SERPINE3: variants seen among roughly 807,000 people sequenced by gnomAD.
SERPINE3 encodes serpin E3.
SERPINE3 carries 43 observed loss-of-function variants against 41.7 expected under a neutral mutation model. The ratio of observed to expected loss-of-function variants is 1.03; its 90% CI spans 0.81 to 1.33. SERPINE3 has a LOEUF of 1.33. Among genes scored for constraint, SERPINE3 ranks in the 40% most tolerant of loss-of-function variants. The pLI, the probability that SERPINE3 is intolerant of heterozygous loss-of-function variation, is 0.00. For synonymous variants in SERPINE3, 200 were observed against 192.2 expected (o/e 1.04, Z -0.34); for missense variants, 440 against 491.7 (o/e 0.89, Z 0.99).
At chr13:51,345,487 G>A (rs922845212) in intron 4 of SERPINE3, among the ~76,000 whole-genome samples, 8 of 151,330 alleles carry the variant, frequency 5.3e-5, no homozygotes, top group African/African-American at 1.5e-4. Flanking sequence ...CCAGCTACTC[G>A]GGGAGGCTGA....
In SERPINE3 at chr13:51,344,418, A is replaced by G; in HGVS notation, c.423A>G (p.Pro141=). The G allele has an allele frequency of 2.5e-6, 4 of 1,610,174 alleles. No individual in the cohort carries two copies. The highest frequency in any genetic ancestry group is 3.4e-6 in the Non-Finnish European group (4 of 1,178,082). The change falls in exon 4 of 10, where the codon CCA becomes CCG. Residue 141 remains proline (P), a synonymous_variant. Coordinates refer to ENST00000681248, the MANE Select transcript of SERPINE3 (RefSeq NM_001386375.1). ...GGTGGGCTAACAGCAGCCTGGAACC[A>G]GCCGACCTCAGTGAGCCCAATAGCA... ...VSWWANSSLE[P]ADLSEPNSTA... is the part of the protein sequence containing the mutation.
chr13:51,354,913 G>A, intron 6 of SERPINE3, 130 bp from the exon 7 acceptor site: 1 of 624,740 alleles, frequency 1.6e-6, no homozygotes, highest in Non-Finnish European at 2.9e-6. Flanking sequence ...CGCCATGGAA[G>A]ATGAAGCTGG....
intron 7 of SERPINE3, among the ~76,000 whole-genome samples, chr13:51,357,675 A>C (rs1005192806): frequency 2.0e-5 from 3 of 151,940 alleles, no homozygotes; most frequent in South Asian, 2.1e-4. Context: ...GTTCCCCCCC[A>C]GTCTCCTTGA....
At chr13:51,340,948 T>C in intron 2 of SERPINE3, 87 bp downstream of exon 2, 4 of 852,806 alleles carry the variant, frequency 4.7e-6, no homozygotes, top group Non-Finnish European at 7.2e-6. Flanking sequence ...GACAGCTCAA[T>C]GCATCTCTCC....
At chr13:51,345,374 C>T (rs930770148) in intron 4 of SERPINE3, among the ~76,000 whole-genome samples, 8 of 152,006 alleles carry the variant, frequency 5.3e-5, no homozygotes, top group African/African-American at 1.9e-4. Context: ...GCGGGCAGAT[C>T]ACGAGGTCAG....
In SERPINE3 at chr13:51,361,804, C is replaced by T. The variant is rs775325667; in HGVS notation, c.1088-6C>T. ...ATGCAATGGAATTTTTCTTTCTTTCCTGCAGCTCTGTTGTTATTGAAAAGG... is the reference window on the plus strand; with the variant it reads ...ATGCAATGGAATTTTTCTTTCTTTCTTGCAGCTCTGTTGTTATTGAAAAGG... On this transcript the variant is annotated splice_polypyrimidine_tract_variant and splice_region_variant and intron_variant, in intron 8 of 9. Transcript: ENST00000681248. 1.1e-5 allele frequency: 18 copies of T among 1,581,112 alleles called. No individual in the cohort carries two copies. The highest frequency in any genetic ancestry group is 1.5e-5 in the Non-Finnish European group (18 of 1,169,286).
chr13:51,349,566 C>T (rs1018626125), intron 6 of SERPINE3, among the ~76,000 whole-genome samples: 13 of 152,256 alleles, frequency 8.5e-5, no homozygotes, highest in Admixed American at 7.8e-4. Context: ...GAGGCTGGTG[C>T]GAGAATTCGC....
At chr13:51,342,003 C>T (rs1378542271) in intron 3 of SERPINE3, among the ~76,000 whole-genome samples, 1 of 152,042 alleles carries the variant, frequency 6.6e-6, no homozygotes, top group African/African-American at 2.4e-5. Context: ...GCGGCTTTGC[C>T]GGCAGCAGCA....
chr13:51,355,965 C>T (rs1432996404), intron 7 of SERPINE3, among the ~76,000 whole-genome samples: 1 of 152,136 alleles, frequency 6.6e-6, no homozygotes, highest in African/African-American at 2.4e-5. Context: ...AATTCTAGAA[C>T]ATCATAATGT....
Position 51,344,353 on chromosome 13 carries a change from GGAA to G in SERPINE3, c.359_361del (p.Gly120_Thr121delinsAla). The G allele has an allele frequency of 6.2e-7, 1 of 1,613,808 alleles. No individual in the cohort carries two copies. Among genetic ancestry groups the G allele is most frequent in the Non-Finnish European group, 8.5e-7 (1 of 1,179,836 alleles). Reference sequence around the variant, plus strand: ...GGCCTGCAGCCTTTTTGTGCAAGTGGGAACGCCACTGTCCCCCTGCTTTGTGGA... The same window carrying G: ...GGCCTGCAGCCTTTTTGTGCAAGTGGCGCCACTGTCCCCCTGCTTTGTGGA... On this transcript the variant is annotated inframe_deletion, in exon 4 of 10. Transcript: ENST00000681248.
Position 51,340,853 on chromosome 13 carries a change from A to G in SERPINE3, c.-26A>G. The G allele has an allele frequency of 1.8e-6, 1 of 568,110 alleles. No individual in the cohort carries two copies. Among genetic ancestry groups the G allele is most frequent in the Non-Finnish European group, 3.1e-6 (1 of 319,310 alleles). 35.2% of individuals were successfully genotyped at this position (568,110 alleles called of 1,614,324 possible). A position where few individuals can be genotyped will look rare whatever the true frequency, so the allele number is the denominator to read the frequency against. Reference sequence around the variant, plus strand: ...TTCAGACCCACAGTTTGGCTGCCAAAGGACCACAGTGAGTATTTCTAATGC... The same window carrying G: ...TTCAGACCCACAGTTTGGCTGCCAAGGGACCACAGTGAGTATTTCTAATGC... On this transcript the variant is annotated 5_prime_UTR_variant, in exon 2 of 10. Transcript: ENST00000681248.
intron 7 of SERPINE3, 48 bp from the exon 8 acceptor site, chr13:51,361,230 G>A (rs1292107082): frequency 8.1e-7 from 1 of 1,241,300 alleles, no homozygotes; most frequent in African/African-American, 1.5e-5. Flanking sequence ...AAATGTGTTA[G>A]AAAAATGTTA....
At chr13:51,362,080 C>T (rs1955589727) in intron 9 of SERPINE3, 187 bp downstream of exon 9, 2 of 1,536,688 alleles carry the variant, frequency 1.3e-6, no homozygotes, top group African/African-American at 1.4e-5. Context: ...ACAAAGGAAA[C>T]TTATCCTCCA....
At chr13:51,350,364 A>C (rs1955392678) in intron 6 of SERPINE3, among the ~76,000 whole-genome samples, 1 of 152,176 alleles carries the variant, frequency 6.6e-6, no homozygotes, top group Admixed American at 6.5e-5. Flanking sequence ...AAAACCAAGA[A>C]TGTGTTAAGG....
At chr13:51,356,529 AT>A (rs1037185281) in intron 7 of SERPINE3, among the ~76,000 whole-genome samples, 4 of 152,052 alleles carry the variant, frequency 2.6e-5, no homozygotes, top group African/African-American at 9.7e-5. Flanking sequence ...ACATCGCTGT[AT>A]TTTCTTCTAC....
intron 7 of SERPINE3, among the ~76,000 whole-genome samples, chr13:51,356,397 T>A (rs1484298503): frequency 2.0e-5 from 3 of 152,116 alleles, no homozygotes; most frequent in Non-Finnish European, 4.4e-5. Context: ...CTTAAGAGAA[T>A]TCTATGTTTG....
chr13:51,361,958 A>G, intron 9 of SERPINE3, 65 bp downstream of exon 9: 1 of 1,611,604 alleles, frequency 6.2e-7, no homozygotes, highest in East Asian at 2.2e-5. Context: ...ACAAGGGCTC[A>G]TTTGTCCACT....
intron 7 of SERPINE3, among the ~76,000 whole-genome samples, chr13:51,359,888 A>G (rs1390271209): frequency 6.6e-6 from 1 of 152,098 alleles, no homozygotes; most frequent in Non-Finnish European, 1.5e-5. Context: ...AAGACCCTAG[A>G]GAAAAAGACC....
Position 51,351,177 on chromosome 13 carries a change from T to C in SERPINE3, c.899+2766T>C, listed in dbSNP as rs191188172. Among the ~76,000 whole-genome samples the C allele has an allele frequency of 6.2e-4, 95 of 152,328 alleles. 2 individuals are homozygous for C. The South Asian group carries it at 0.013, about 20-fold the overall frequency. ...TTGGATATACACCTAAGAATGCAAT[T>C]ACTAGGTCATGTGGTAACCCTACAT... On this transcript the variant is annotated intron_variant, in intron 6 of 9. Coordinates refer to ENST00000681248, the MANE Select transcript of SERPINE3 (RefSeq NM_001386375.1).
Sources: gnomAD v4.1 joint callset for allele counts (sites outside exome capture counted in the v4.1 genomes callset) on GRCh38, gnomAD v4.1.1 for gene constraint, MANE v1.5 for transcripts, NCBI Gene and HGNC (gene_info 2026-07-23, HGNC 2026-07-21) for gene names.